Variants in SPATA19 observed in about 807,000 individuals in gnomAD.
SPATA19 encodes the protein spermatogenesis associated 19.
In SPATA19, 19 loss-of-function variants were observed where a neutral mutation model predicts 25.0. The observed-to-expected ratio is 0.76, with a 90% CI of 0.53 to 1.11. The LOEUF (loss-of-function observed/expected upper bound fraction) is 1.11, where lower values mean the gene tolerates loss of function less well. SPATA19 is among the 50% of genes most tolerant of loss of function. The probability of loss-of-function intolerance (pLI) is 0.00; values close to 1 mark genes in which losing one functional copy is unlikely to be tolerated. For synonymous variants in SPATA19, 64 were observed against 69.3 expected (o/e 0.92, Z 0.38); for missense variants, 222 against 211.4 (o/e 1.05, Z -0.31).
chr11:133,839,408 T>A (rs2723609), downstream of SPATA19, among the ~76,000 whole-genome samples: 48,743 of 151,908 alleles, frequency 0.32, 8,979 homozygotes, highest in East Asian at 0.6. Flanking sequence ...GGAAACCATC[T>A]TTCTCAGCAA....
chr11:133,844,396 C>G, intron 3 of SPATA19, 59 bp from the exon 4 acceptor site: 1 of 1,608,466 alleles, frequency 6.2e-7, no homozygotes, highest in Non-Finnish European at 8.5e-7. Context: ...ACTGGGCTGG[C>G]ACAGAGCCCA....
At chr11:133,840,125 C>A (rs969006282), downstream of SPATA19, among the ~76,000 whole-genome samples, 13 of 151,974 alleles carry the variant, frequency 8.6e-5, no homozygotes, top group Admixed American at 7.2e-4. Flanking sequence ...ACCGTACAAG[C>A]AAGATGAGAG....
chr11:133,843,280 G>T (rs771773166), intron 4 of SPATA19, among the ~76,000 whole-genome samples: 1 of 152,054 alleles, frequency 6.6e-6, no homozygotes, highest in Non-Finnish European at 1.5e-5. Context: ...CACAATGTCC[G>T]CAATTCCATA....
chr11:133,842,431 C>G, intron 5 of SPATA19, 54 bp downstream of exon 5: 2 of 1,439,842 alleles, frequency 1.4e-6, no homozygotes, highest in South Asian at 2.3e-5. Flanking sequence ...CAGTCACCCC[C>G]ACCCTACCTG....
chr11:133,843,080 T>C (rs529950930), intron 4 of SPATA19, among the ~76,000 whole-genome samples: 1 of 152,246 alleles, frequency 6.6e-6, no homozygotes, highest in East Asian at 1.9e-4. Context: ...CCAAAACCAG[T>C]GGGTTGTGGG....
chr11:133,845,135 T>G lies in SPATA19; in HGVS notation c.134A>C (p.Lys45Thr). Residue 45 changes from lysine (K) to threonine (T), a missense_variant and splice_region_variant, in exon 2 of 7, where the codon AAA becomes ACA. Transcript: ENST00000299140. ...AVSVLHHWLK[K>T]TEEEASRGIK... ...GAGTCATAAAGAAATCTTACTCACT[T>G]TTTTCAACCAATGATGTAGTACAGA... 6.2e-7 allele frequency: 1 copy of G among 1,613,752 alleles called. No individual in the cohort carries two copies. Among genetic ancestry groups the G allele is most frequent in the Non-Finnish European group, 8.5e-7 (1 of 1,179,820 alleles).
downstream of SPATA19, among the ~76,000 whole-genome samples, chr11:133,839,849 G>A (rs1938273248): frequency 6.6e-6 from 1 of 152,064 alleles, no homozygotes; most frequent in South Asian, 2.1e-4. Context: ...AGAATAAAAA[G>A]AGAGAAGAAT....
At chr11:133,837,208 C>T (rs1439989884), downstream of SPATA19, among the ~76,000 whole-genome samples, 4 of 152,230 alleles carry the variant, frequency 2.6e-5, no homozygotes, top group Non-Finnish European at 5.9e-5. Context: ...CTTCTTAAAT[C>T]CCTCAGAGAA....
At chr11:133,842,192 G>T in intron 5 of SPATA19, 87 bp from the exon 6 acceptor site, 1 of 1,369,934 alleles carries the variant, frequency 7.3e-7, no homozygotes, top group South Asian at 1.2e-5. Context: ...GGCTGCGGTG[G>T]GAGGGCAGGC....
At chr11:133,836,103 G>C (rs115067345), downstream of SPATA19, among the ~76,000 whole-genome samples, 1 of 152,214 alleles carries the variant, frequency 6.6e-6, no homozygotes, top group Admixed American at 6.5e-5. Context: ...TGGCCCAACC[G>C]GCCTCTTGAC....
chr11:133,842,527 G>C lies in SPATA19; in HGVS notation c.395C>G (p.Thr132Arg). 6.2e-7 allele frequency: 1 copy of C among 1,613,996 alleles called. No homozygotes were observed. The highest frequency in any genetic ancestry group is 2.2e-5 in the East Asian group (1 of 44,874). ...TRIFQVPSEM[T>R]EDIMRDRIEQ... ...TATTCGATCTCGCATGATGTCCTCT[G>C]TCATCTCACTTGGCACTTGGAAGAT... The change falls in exon 5 of 7, where the codon ACA (threonine) becomes AGA (arginine). Residue 132 changes from threonine to arginine, a missense_variant. Physicochemically the swap from Thr to Arg is moderately conservative, Grantham distance 71. Transcript: ENST00000299140.
chr11:133,838,535 T>C (rs1938246894), downstream of SPATA19, among the ~76,000 whole-genome samples: 1 of 152,218 alleles, frequency 6.6e-6, no homozygotes, highest in South Asian at 2.1e-4. Flanking sequence ...CAATTCAAGA[T>C]GGATTAAAGA....
chr11:133,841,955 C>T, intron 6 of SPATA19, 75 bp downstream of exon 6: 1 of 1,390,292 alleles, frequency 7.2e-7, no homozygotes, highest in Non-Finnish European at 1.0e-6. Context: ...ACCAAGTTCC[C>T]AGCTGCAGTG....
chr11:133,842,777 A>C (rs866447262), intron 4 of SPATA19, among the ~76,000 whole-genome samples: 8 of 152,196 alleles, frequency 5.3e-5, no homozygotes, highest in Middle Eastern at 3.4e-3. Context: ...AACAGGTAGC[A>C]GACTGTCCCG....
chr11:133,842,324 G>A (rs1938326488), intron 5 of SPATA19, among the ~76,000 whole-genome samples, 161 bp downstream of exon 5: 1 of 152,240 alleles, frequency 6.6e-6, no homozygotes, highest in African/African-American at 2.4e-5. Context: ...GTCATGTGGA[G>A]CACAGAAGAC....
chr11:133,842,304 G>A (rs1477569004), intron 5 of SPATA19, among the ~76,000 whole-genome samples, 181 bp downstream of exon 5: 1 of 152,220 alleles, frequency 6.6e-6, no homozygotes, highest in Non-Finnish European at 1.5e-5. Context: ...TGGGAGGCTG[G>A]CAAAGCCCTG....
intron 6 of SPATA19, 105 bp downstream of exon 6, chr11:133,841,925 G>A (rs543057718): frequency 4.5e-6 from 5 of 1,121,600 alleles, no homozygotes; most frequent in Admixed American, 1.7e-5. Context: ...TTCCCCAGTA[G>A]GGAAAAGCTA....
downstream of SPATA19, among the ~76,000 whole-genome samples, chr11:133,836,790 G>A (rs1405786993): frequency 6.6e-6 from 1 of 152,154 alleles, no homozygotes; most frequent in African/African-American, 2.4e-5. Flanking sequence ...GTTCTACCAG[G>A]GCAGGGACCA....
chr11:133,844,539 A>G lies in SPATA19; in HGVS notation c.237T>C (p.His79=), dbSNP rs778296451. Reference sequence around the variant, plus strand: ...CTCTGGTCACGTGGATGTCCTGGCCATGGGTGGGAGGGGAGTCAGTGGACA... The same window carrying G: ...CTCTGGTCACGTGGATGTCCTGGCCGTGGGTGGGAGGGGAGTCAGTGGACA... ...EKMSTDSPPT[H]GQDIHVTRDV... is the part of the protein sequence containing the mutation. The change falls in exon 3 of 7, where the codon CAT becomes CAC. Residue 79 remains histidine, a synonymous_variant. Transcript: ENST00000299140. The G allele has an allele frequency of 3.7e-6, 6 of 1,614,056 alleles. No individual in the cohort carries two copies. In the African/African-American group the frequency reaches 8.0e-5, roughly 22 times the overall value.
Sources: gnomAD v4.1 joint callset for allele counts (sites outside exome capture counted in the v4.1 genomes callset) on GRCh38, gnomAD v4.1.1 for gene constraint, MANE v1.5 for transcripts, NCBI Gene and HGNC (gene_info 2026-07-23, HGNC 2026-07-21) for gene names.